PITPNM3: variants seen among roughly 807,000 people sequenced by gnomAD.
PITPNM3 encodes membrane-associated phosphatidylinositol transfer protein 3.
Under a neutral mutation model 102.0 loss-of-function variants are expected in PITPNM3, and 26 were observed. The observed-to-expected ratio is 0.25, with a 90% confidence interval of 0.19 to 0.35. The LOEUF (loss-of-function observed/expected upper bound fraction) is 0.35, where lower values mean the gene tolerates loss of function less well. Ranked by LOEUF, PITPNM3 falls within the 10% of genes least tolerant of loss-of-function variation. The pLI is 1.00. For missense variants in PITPNM3, 1,083 were observed against 1,346.1 expected (o/e 0.80, Z 3.06); for synonymous variants, 578 against 558.6 (o/e 1.03, Z -0.49).
At chr17:6,550,338 C>T (rs1910240455) in intron 1 of PITPNM3, among the ~76,000 whole-genome samples, 1 of 152,228 alleles carries the variant, frequency 6.6e-6, no homozygotes. Context: ...TTGGCTCTAC[C>T]TCAGAGATGC....
rs752012957 is a variant in PITPNM3 at position 6,457,669 on chromosome 17, G to A, written c.2544C>T (p.Tyr848=). The change falls in exon 19 of 20, where the codon TAC becomes TAT. Residue 848 remains tyrosine, a synonymous_variant. Transcript: ENST00000262483. The surrounding 1 kb of genome is among the most constrained non-coding windows in gnomAD (Gnocchi z 4.7). ...GGGAGGCAGGCAGGCCCAGCACGCT[G>A]TAGACAGAGATGTCCTTCGTGGAGC... ...AYGSTKDISV[Y]SVLGLPASQI... 1 of 1,609,194 alleles carries A rather than the reference G, an allele frequency of 6.2e-7. No individual in the cohort carries two copies.
At chr17:6,471,035 G>T in intron 12 of PITPNM3, 126 bp downstream of exon 12, 2 of 1,132,684 alleles carry the variant, frequency 1.8e-6, no homozygotes, top group Non-Finnish European at 2.5e-6. Flanking sequence ...AAGCCCCCAG[G>T]ACTTCCTTCA....
chr17:6,519,520 G>GAAA (rs113109836), intron 3 of PITPNM3, among the ~76,000 whole-genome samples: 19 of 126,812 alleles, frequency 1.5e-4, no homozygotes, highest in African/African-American at 4.1e-4. Flanking sequence ...CTCCGTCTCA[G>GAAA]AAAAAAAAAA....
At chr17:6,466,507 G>A (rs750990014) in intron 14 of PITPNM3, among the ~76,000 whole-genome samples, 5 of 152,114 alleles carry the variant, frequency 3.3e-5, no homozygotes, top group Admixed American at 6.6e-5. Flanking sequence ...CCGGCATCCC[G>A]AGTCATTAGA....
At chr17:6,508,342 T>C (rs1907668089) in intron 3 of PITPNM3, among the ~76,000 whole-genome samples, 1 of 152,232 alleles carries the variant, frequency 6.6e-6, no homozygotes, top group African/African-American at 2.4e-5. Flanking sequence ...CATGAAATCG[T>C]TGGCTTCCAT....
At chr17:6,507,474 C>T (rs1374831004) in intron 3 of PITPNM3, among the ~76,000 whole-genome samples, 1 of 152,086 alleles carries the variant, frequency 6.6e-6, no homozygotes, top group Non-Finnish European at 1.5e-5. Flanking sequence ...ATCCCAGCTA[C>T]TAGGGAGGCT....
chr17:6,474,112 T>C (rs1006446469), intron 10 of PITPNM3, among the ~76,000 whole-genome samples: 1 of 150,622 alleles, frequency 6.6e-6, no homozygotes, highest in African/African-American at 2.5e-5. Context: ...AAGGAGAGGG[T>C]GGGAGGCAAG....
rs928295665 is a variant in PITPNM3, at chr17:6,458,621, C to T, written c.2491-899G>A. 4.6e-5 allele frequency among the ~76,000 whole-genome samples: 7 copies of T among 152,172 alleles called. No individual in the cohort carries two copies. Among genetic ancestry groups the T allele is most frequent in the Non-Finnish European group, 8.8e-5 (6 of 68,026 alleles). On this transcript the variant is annotated intron_variant, in intron 18 of 19. Transcript: ENST00000262483. This position sits in a 1 kb window ranked among gnomAD's most constrained non-coding sequence, Gnocchi z 5.1. ...TCCGCTCAGGGCTTCTGCCCCCTCC[C>T]CACCACTTCTCCGCCAGCCCCCACC...
intron 3 of PITPNM3, among the ~76,000 whole-genome samples, chr17:6,509,180 C>G (rs912620778): frequency 8.5e-5 from 13 of 152,306 alleles, no homozygotes; most frequent in Non-Finnish European, 1.6e-4. Context: ...GGCTGAGCCA[C>G]ATCATCTTTT....
At chr17:6,489,281 C>G (rs1906283521) in intron 4 of PITPNM3, among the ~76,000 whole-genome samples, 1 of 152,142 alleles carries the variant, frequency 6.6e-6, no homozygotes, top group Non-Finnish European at 1.5e-5. Context: ...GGCCCACTGG[C>G]TAAAGCCAAA....
chr17:6,475,022 T>G (rs1161072955), intron 9 of PITPNM3, among the ~76,000 whole-genome samples: 1 of 152,204 alleles, frequency 6.6e-6, no homozygotes, highest in Non-Finnish European at 1.5e-5. Context: ...CTGGCAGGCC[T>G]GCCTCGTCAT....
At chr17:6,520,606 A>G (rs1467334685) in intron 3 of PITPNM3, among the ~76,000 whole-genome samples, 1 of 152,244 alleles carries the variant, frequency 6.6e-6, no homozygotes, top group Non-Finnish European at 1.5e-5. Context: ...AGGAATAACT[A>G]AAGGAGACTT....
Position 6,556,311 on chromosome 17 carries a change from C to T in PITPNM3, c.22+74G>A. 7.7e-7 allele frequency: 1 copy of T among 1,297,848 alleles called. No homozygotes were observed. Among genetic ancestry groups the T allele is most frequent in the Non-Finnish European group, 1.0e-6 (1 of 986,168 alleles). The allele number at this position is 1,297,848 out of a possible 1,614,324, so 80.4% of individuals were successfully genotyped here. The stretch of plus-strand genomic sequence containing the variant: ...CACCTGCGCGAGGGGTTCACCTGGG[C>T]CGGCGGCCCCTCCTCTAGACGCGCG... On this transcript the variant is annotated intron_variant, in intron 1 of 19. Coordinates refer to ENST00000262483, the MANE Select transcript of PITPNM3 (RefSeq NM_031220.4). The surrounding 1 kb of genome is among the most constrained non-coding windows in gnomAD (Gnocchi z 5.2).
At chr17:6,505,825 T>C (rs1907471481) in intron 3 of PITPNM3, among the ~76,000 whole-genome samples, 2 of 152,158 alleles carry the variant, frequency 1.3e-5, no homozygotes, top group South Asian at 4.1e-4. Context: ...AACACCTCTG[T>C]GCAGAGAAGC....
chr17:6,503,778 G>A (rs767377053), intron 3 of PITPNM3, among the ~76,000 whole-genome samples: 4 of 152,048 alleles, frequency 2.6e-5, no homozygotes, highest in Non-Finnish European at 5.9e-5. Flanking sequence ...GCCATTTCTG[G>A]GGAGAGTACG....
chr17:6,507,002 C>A (rs897735843), intron 3 of PITPNM3, among the ~76,000 whole-genome samples: 1 of 152,228 alleles, frequency 6.6e-6, no homozygotes, highest in Non-Finnish European at 1.5e-5. Flanking sequence ...TATGGCACTG[C>A]CAGCCCAGGG....
At position 6,471,234 on chromosome 17, in the gene PITPNM3, C is replaced by A; in HGVS notation, c.1551G>T (p.Arg517Ser). ...QASRFQRPGRRMSEGSSHSES... is the reference protein window; with the variant it reads ...QASRFQRPGRSMSEGSSHSES... ...CGCTGTGGGAGCTCCCCTCGCTCAT[C>A]CTCCGTCCTGGGCGCTGGAACCTCG... Residue 517 changes from arginine to serine, a missense_variant, in exon 12 of 20, where the codon AGG becomes AGT. Arg to Ser is a moderately radical substitution (Grantham distance 110). This residue lies in a region of PITPNM3 where 410 missense variants were observed against 638.4 expected (regional missense o/e 0.64). Coordinates refer to ENST00000262483, the MANE Select transcript of PITPNM3 (RefSeq NM_031220.4). 1 of 1,613,410 alleles carries A rather than the reference C, an allele frequency of 6.2e-7. No homozygotes were observed. Among genetic ancestry groups the A allele is most frequent in the Non-Finnish European group, 8.5e-7 (1 of 1,179,978 alleles).
rs1270307771 is a variant in PITPNM3 at position 6,556,511 on chromosome 17, G to T, written c.-105C>A. 1 of 766,848 alleles carries T rather than the reference G, an allele frequency of 1.3e-6. No individual in the cohort carries two copies. The highest frequency in any genetic ancestry group is 1.6e-6 in the Non-Finnish European group (1 of 630,174). 47.5% of individuals were successfully genotyped at this position (766,848 alleles called of 1,614,324 possible). A position where few individuals can be genotyped will look rare whatever the true frequency, so the allele number is the denominator to read the frequency against. ...AACGGACTCCGAGCGCCGCGCCCGC[G>T]CCCCCGCCCCGCTCGCCTCGGCTGC... On this transcript the variant is annotated 5_prime_UTR_variant, in exon 1 of 20. Transcript: ENST00000262483. The surrounding 1 kb of genome is among the most constrained non-coding windows in gnomAD (Gnocchi z 5.2).
intron 1 of PITPNM3, among the ~76,000 whole-genome samples, chr17:6,549,323 C>T (rs916859492): frequency 1.3e-5 from 2 of 152,234 alleles, no homozygotes; most frequent in Non-Finnish European, 2.9e-5. Context: ...CATCTCTAGC[C>T]TCAAATCAAG....
Sources: allele counts gnomAD v4.1 joint callset (sites outside exome capture counted in the v4.1 genomes callset), GRCh38; gene constraint gnomAD v4.1.1; regional missense constraint gnomAD v4.1.1; non-coding constraint Gnocchi (gnomAD v3.1); transcripts MANE v1.5; gene names NCBI Gene and HGNC (gene_info 2026-07-23, HGNC 2026-07-21).